Variants in TTC39C observed in about 807,000 individuals in gnomAD.
TTC39C encodes the protein tetratricopeptide repeat domain 39C, also known as tetratricopeptide repeat protein 39C.
In TTC39C, 33 loss-of-function variants were observed where a neutral mutation model predicts 76.3. The ratio of observed to expected loss-of-function variants is 0.43; its 90% CI spans 0.33 to 0.58. The LOEUF (loss-of-function observed/expected upper bound fraction) is 0.58, where lower values mean the gene tolerates loss of function less well. Ranked by LOEUF, TTC39C falls within the 20% of genes least tolerant of loss-of-function variation. TTC39C has a pLI of 0.04. For synonymous variants in TTC39C, 254 were observed against 260.6 expected (o/e 0.97, Z 0.24); for missense variants, 595 against 701.4 (o/e 0.85, Z 1.71).
intron 1 of TTC39C, among the ~76,000 whole-genome samples, chr18:24,023,497 A>G (rs2083540521): frequency 6.6e-6 from 1 of 152,164 alleles, no homozygotes; most frequent in African/African-American, 2.4e-5. Context: ...GTAACTCTGG[A>G]TGGCTGCTCT....
rs1464077880 is a variant in TTC39C, at chr18:24,113,642, C to G, written c.985-912C>G. On this transcript the variant is annotated intron_variant, in intron 6 of 13. Coordinates refer to ENST00000317571, the MANE Select transcript of TTC39C (RefSeq NM_001135993.2). Reference sequence around the variant, plus strand: ...CAGAATAAGCTGTCAGGTCGTCTGGCTGTTTAAGATTTATTTATTAATGGT... The same window carrying G: ...CAGAATAAGCTGTCAGGTCGTCTGGGTGTTTAAGATTTATTTATTAATGGT... 8.5e-6 allele frequency: 6 copies of G among 702,346 alleles called. No individual in the cohort carries two copies. The South Asian group carries it at 8.9e-5, about 10-fold the overall frequency. The allele number at this position is 702,346 out of a possible 1,614,324, so 43.5% of individuals were successfully genotyped here.
intron 4 of TTC39C, among the ~76,000 whole-genome samples, chr18:24,075,946 T>G (rs1386124157): frequency 6.6e-6 from 1 of 152,164 alleles, no homozygotes; most frequent in Non-Finnish European, 1.5e-5. Context: ...GGGGCAGGGT[T>G]TCCTCTCGCC....
intron 1 of TTC39C, among the ~76,000 whole-genome samples, chr18:24,007,743 C>T (rs2083365398): frequency 6.6e-6 from 1 of 152,162 alleles, no homozygotes; most frequent in African/African-American, 2.4e-5. Context: ...GCTGCATTAA[C>T]AATAGTGAAC....
intron 1 of TTC39C, among the ~76,000 whole-genome samples, chr18:23,995,364 G>T (rs1174393865): frequency 6.6e-6 from 1 of 152,164 alleles, no homozygotes; most frequent in Non-Finnish European, 1.5e-5. Flanking sequence ...CAGCTACTCA[G>T]GGGGCTGAGG....
intron 1 of TTC39C, among the ~76,000 whole-genome samples, chr18:24,017,231 C>T (rs920073717): frequency 2.0e-5 from 3 of 152,144 alleles, no homozygotes; most frequent in Non-Finnish European, 2.9e-5. Flanking sequence ...TTCCCCCCTC[C>T]CAAAAGGTGC....
At chr18:24,085,044 C>T (rs1247767442) in intron 6 of TTC39C, among the ~76,000 whole-genome samples, 3 of 152,254 alleles carry the variant, frequency 2.0e-5, no homozygotes, top group East Asian at 1.9e-4. Context: ...GCTTTGAACA[C>T]GATGCTACAG....
At chr18:24,035,381 C>T (rs894486450) in intron 1 of TTC39C, among the ~76,000 whole-genome samples, 9 of 152,120 alleles carry the variant, frequency 5.9e-5, no homozygotes, top group African/African-American at 1.9e-4. Flanking sequence ...TTTTCCACAG[C>T]GATTTTACCA....
intron 1 of TTC39C, among the ~76,000 whole-genome samples, chr18:24,002,792 C>A (rs538428466): frequency 6.6e-6 from 1 of 152,280 alleles, no homozygotes; most frequent in African/African-American, 2.4e-5. Flanking sequence ...CTGAGATCCA[C>A]CCTCAGGCTG....
At chr18:24,022,845 C>G (rs2083533622) in intron 1 of TTC39C, 2 of 985,266 alleles carry the variant, frequency 2.0e-6, no homozygotes. Flanking sequence ...GTCATCCAGC[C>G]AGGTATATCT....
chr18:24,129,131 C>T (rs926749617), intron 11 of TTC39C, 148 bp downstream of exon 11: 17 of 556,480 alleles, frequency 3.1e-5, no homozygotes, highest in Non-Finnish European at 5.3e-5. Flanking sequence ...GCCATCTTCT[C>T]AGATGCTAGA....
At chr18:24,086,788 T>C (rs557251944) in intron 6 of TTC39C, among the ~76,000 whole-genome samples, 1 of 152,312 alleles carries the variant, frequency 6.6e-6, no homozygotes, top group African/African-American at 2.4e-5. Flanking sequence ...ACTACATTGC[T>C]GGGGGGAATG....
chr18:24,078,354 T>G (rs891601828), intron 4 of TTC39C, among the ~76,000 whole-genome samples: 3 of 152,248 alleles, frequency 2.0e-5, no homozygotes, highest in Non-Finnish European at 4.4e-5. Flanking sequence ...CCAGGTTTGA[T>G]GACTTACATT....
At chr18:24,059,973 G>A (rs1242537367) in intron 1 of TTC39C, among the ~76,000 whole-genome samples, 1 of 152,154 alleles carries the variant, frequency 6.6e-6, no homozygotes, top group African/African-American at 2.4e-5. Context: ...AAAACAATCA[G>A]ATCTCATGAG....
At chr18:24,084,226 G>A (rs1417380203) in intron 6 of TTC39C, among the ~76,000 whole-genome samples, 2 of 152,206 alleles carry the variant, frequency 1.3e-5, no homozygotes, top group Non-Finnish European at 2.9e-5. Flanking sequence ...GCTCATGCCT[G>A]CAGTCCCAGC....
At chr18:24,069,331 G>T in intron 4 of TTC39C, 60 bp downstream of exon 4, 2 of 1,400,038 alleles carry the variant, frequency 1.4e-6, no homozygotes, top group East Asian at 2.3e-5. Flanking sequence ...TTAGTAATAT[G>T]CTTTTTTAAG....
At chr18:23,998,905 G>T (rs1364415150) in intron 1 of TTC39C, among the ~76,000 whole-genome samples, 2 of 152,074 alleles carry the variant, frequency 1.3e-5, no homozygotes, top group African/African-American at 4.8e-5. Context: ...TATGGGGAGA[G>T]TAAGCCACAC....
chr18:24,081,010 T>G (rs2084369484), intron 5 of TTC39C, 71 bp downstream of exon 5: 2 of 1,386,358 alleles, frequency 1.4e-6, no homozygotes, highest in African/African-American at 1.5e-5. Context: ...AATCAAAGAC[T>G]TTAAAGGAAA....
At chr18:24,132,003 GT>G in intron 13 of TTC39C, 83 bp downstream of exon 13, 1 of 1,304,268 alleles carries the variant, frequency 7.7e-7, no homozygotes, top group Non-Finnish European at 1.1e-6. Flanking sequence ...AAGAAAGTTT[GT>G]GCAATGATGT....
intron 9 of TTC39C, 122 bp from the exon 10 acceptor site, chr18:24,125,304 AG>A: frequency 8.1e-7 from 1 of 1,240,640 alleles, no homozygotes; most frequent in Non-Finnish European, 1.1e-6. Flanking sequence ...TGTTATTCTT[AG>A]CTTTGAAGGA....
Sources: allele counts gnomAD v4.1 joint callset (sites outside exome capture counted in the v4.1 genomes callset), GRCh38; gene constraint gnomAD v4.1.1; transcripts MANE v1.5; gene names NCBI Gene and HGNC (gene_info 2026-07-23, HGNC 2026-07-21).